GSDMD: variants seen among roughly 807,000 people sequenced by gnomAD.
GSDMD encodes gasdermin-D.
A neutral mutation model predicts 46.7 loss-of-function variants in GSDMD; 46 were observed. That is an observed-to-expected ratio of 0.99 (90% CI 0.78 to 1.26). GSDMD has a LOEUF of 1.26. GSDMD is among the 50% of genes most tolerant of loss of function. GSDMD has a pLI of 0.00. For synonymous variants in GSDMD, 307 were observed against 283.1 expected (o/e 1.08, Z -0.85); for missense variants, 649 against 638.8 (o/e 1.02, Z -0.17).
chr8:143,562,521 G>A lies in GSDMD; in HGVS notation c.1212G>A (p.Leu404=), dbSNP rs1330057635. The A allele has an allele frequency of 6.2e-7, 1 of 1,606,614 alleles. No individual in the cohort carries two copies. Among genetic ancestry groups the A allele is most frequent in the South Asian group, 1.1e-5 (1 of 90,710 alleles). Residue 404 remains leucine, a splice_region_variant and synonymous_variant, in exon 10 of 11, where the codon CTG becomes CTA. Coordinates refer to ENST00000262580, the MANE Select transcript of GSDMD (RefSeq NM_024736.7). The stretch of plus-strand genomic sequence containing the variant: ...AGACCCTGTTGGGGCCGCTCGAGCT[G>A]GTGAGAGGGTTGGGTTCGGGCTGCA... The part of the protein sequence containing the change: ...ESQTLLGPLE[L]VGSLLEQSAP...
At position 143,562,007 on chromosome 8, in the gene GSDMD, G is replaced by A. The variant is rs187977133; in HGVS notation, c.872G>A (p.Arg291Gln). ...TTCACTGAAGACTTCCAGGGCCTACGGGCAGAGGTGGAGACCATCTCCAAG... is the reference window on the plus strand; with the variant it reads ...TTCACTGAAGACTTCCAGGGCCTACAGGCAGAGGTGGAGACCATCTCCAAG... ...GAFTEDFQGL[R>Q]AEVETISKEL... The change falls in exon 8 of 11, where the codon CGG becomes CAG. Residue 291 changes from arginine (R) to glutamine (Q), a missense_variant. Coordinates refer to ENST00000262580, the MANE Select transcript of GSDMD (RefSeq NM_024736.7). 2.5e-6 allele frequency: 4 copies of A among 1,605,148 alleles called. No individual in the cohort carries two copies. The highest frequency in any genetic ancestry group is 1.7e-5 in the Admixed American group (1 of 59,676).
chr8:143,554,432 ACATGCACAAAAC>A (rs928455855), upstream of GSDMD, among the ~76,000 whole-genome samples: 14 of 148,670 alleles, frequency 9.4e-5, no homozygotes, highest in African/African-American at 3.5e-4. Flanking sequence ...ACGCGCACAA[ACATGCACAAAAC>A]ACGGACGTGC....
upstream of GSDMD, among the ~76,000 whole-genome samples, chr8:143,554,497 T>TA (rs1276736252): frequency 7.4e-6 from 1 of 135,690 alleles, no homozygotes; most frequent in Non-Finnish European, 1.6e-5. Context: ...TGCATACACA[T>TA]ACGCACAATA....
At chr8:143,555,509 C>A (rs894903631), upstream of GSDMD, among the ~76,000 whole-genome samples, 1 of 152,184 alleles carries the variant, frequency 6.6e-6, no homozygotes, top group Admixed American at 6.5e-5. Flanking sequence ...GCTGCTAGGA[C>A]AGGGCAGGGA....
At chr8:143,559,284 T>TCCCCC in intron 1 of GSDMD, 48 bp from the exon 2 acceptor site, 1 of 222,478 alleles carries the variant, frequency 4.5e-6, no homozygotes, top group Non-Finnish European at 8.7e-6. Context: ...TCCCACTCCC[T>TCCCCC]CCCGCCCGCC....
intron 1 of GSDMD, 132 bp from the exon 2 acceptor site, chr8:143,559,200 A>G (rs2305492): frequency 0.31 from 196,816 of 637,864 alleles, 33,014 homozygotes; most frequent in East Asian, 0.42. Context: ...GGAGCATCCC[A>G]GGATGAGCTG....
rs1281125196 is a variant in GSDMD at position 143,558,664 on chromosome 8, C to G, written c.-5+213C>G. ...TTTGGACCTGGGCTTGGGCTTGACT[C>G]CCAGGTCCGCCATCCAGGTTCCCGG... On this transcript the variant is annotated intron_variant, in intron 1 of 10. Coordinates refer to ENST00000262580, the MANE Select transcript of GSDMD (RefSeq NM_024736.7). The G allele has an allele frequency of 1.0e-5, 6 of 581,492 alleles. No homozygotes were observed. In the Admixed American group the frequency reaches 2.0e-4, roughly 19 times the overall value. The allele number at this position is 581,492 out of a possible 1,614,324, so 36.0% of individuals were successfully genotyped here.
chr8:143,557,961 C>A (rs1168617056), upstream of GSDMD: 2 of 433,628 alleles, frequency 4.6e-6, no homozygotes, highest in Non-Finnish European at 9.1e-6. Context: ...ATGGCATGAT[C>A]TCGGCTCACT....
At position 143,562,473 on chromosome 8, in the gene GSDMD, G is replaced by C; in HGVS notation, c.1164G>C (p.Leu388=). ...LTMLSETQHK[L]LAEALESQTL... Reference sequence around the variant, plus strand: ...TGCTGAGTGAAACGCAGCACAAGCTGCTGGCGGAGGCGCTGGAGTCGCAGA... The same window carrying C: ...TGCTGAGTGAAACGCAGCACAAGCTCCTGGCGGAGGCGCTGGAGTCGCAGA... The change falls in exon 10 of 11, where the codon CTG becomes CTC. Residue 388 remains leucine (L), a synonymous_variant. Transcript: ENST00000262580. The C allele has an allele frequency of 6.2e-7, 1 of 1,609,262 alleles. No individual in the cohort carries two copies. The highest frequency in any genetic ancestry group is 8.5e-7 in the Non-Finnish European group (1 of 1,179,664).
upstream of GSDMD, chr8:143,558,214 G>A: frequency 1.8e-6 from 2 of 1,124,242 alleles, no homozygotes; most frequent in Non-Finnish European, 2.4e-6. Flanking sequence ...GGGGCGCCAA[G>A]CCAAGGTTCC....
At chr8:143,561,636 C>T in intron 6 of GSDMD, 106 bp from the exon 7 acceptor site, 1 of 1,028,240 alleles carries the variant, frequency 9.7e-7, no homozygotes, top group South Asian at 1.5e-5. Context: ...CCAGTGTTGG[C>T]AGTGGTGAGC....
In GSDMD at chr8:143,561,087, T is replaced by C; in HGVS notation, c.665T>C (p.Val222Ala). The C allele has an allele frequency of 1.9e-6, 3 of 1,612,898 alleles. No homozygotes were observed. The highest frequency in any genetic ancestry group is 2.5e-6 in the Non-Finnish European group (3 of 1,179,750). The change falls in exon 5 of 11, where the codon GTT (valine) becomes GCT (alanine). Residue 222 changes from valine to alanine, a missense_variant. Physicochemically the swap from Val to Ala is moderately conservative, Grantham distance 64. Coordinates refer to ENST00000262580, the MANE Select transcript of GSDMD (RefSeq NM_024736.7). Reference protein sequence around the residue: ...STLAFRVAQLVIDSDLDVLLF... With the variant: ...STLAFRVAQLAIDSDLDVLLF... The stretch of plus-strand genomic sequence containing the variant: ...CTCGCATTCCGGGTGGCCCAGCTGG[T>C]TATTGACTCTGACTTGGGTGAGCTG...
upstream of GSDMD, chr8:143,556,062 T>C (rs1356239133): frequency 6.6e-6 from 1 of 152,230 alleles, no homozygotes; most frequent in East Asian, 1.9e-4. Flanking sequence ...AAATACAAAA[T>C]TAGCTGGGCG....
chr8:143,560,083 A>T (rs753405240), intron 3 of GSDMD, 114 bp downstream of exon 3: 1 of 1,058,858 alleles, frequency 9.4e-7, no homozygotes, highest in South Asian at 1.4e-5. Flanking sequence ...TATCTCGGCC[A>T]GGGTGGTCTT....
At chr8:143,555,156 C>G (rs762695247), upstream of GSDMD, 6 of 152,292 alleles carry the variant, frequency 3.9e-5, no homozygotes, top group Non-Finnish European at 7.3e-5. Flanking sequence ...GTCTTGTTTG[C>G]TGCTAGAACC....
In GSDMD at chr8:143,560,740, G is replaced by A. The variant is rs1162897080; in HGVS notation, c.548G>A (p.Arg183Gln). 3.8e-6 allele frequency: 6 copies of A among 1,559,998 alleles called. No individual in the cohort carries two copies. Among genetic ancestry groups the A allele is most frequent in the East Asian group, 2.4e-5 (1 of 42,056 alleles). ...ACCCACAAGCGGGAGGGCTCGGGCC[G>A]GTTTTCCCTGCCCGGAGCCACGTGC... ...TRTHKREGSGRFSLPGATCLQ... is the reference protein window; with the variant it reads ...TRTHKREGSGQFSLPGATCLQ... Residue 183 changes from arginine (R) to glutamine (Q), a missense_variant, in exon 4 of 11, where the codon CGG (arginine) becomes CAG (glutamine). Transcript: ENST00000262580.
chr8:143,559,642 C>A, intron 2 of GSDMD, 90 bp downstream of exon 2: 1 of 1,442,120 alleles, frequency 6.9e-7, no homozygotes, highest in Non-Finnish European at 9.5e-7. Context: ...GGCTCTGCAG[C>A]CTCTAGCTCT....
chr8:143,559,672 C>A, intron 2 of GSDMD, 105 bp from the exon 3 acceptor site: 2 of 1,402,658 alleles, frequency 1.4e-6, no homozygotes, highest in South Asian at 1.3e-5. Flanking sequence ...TTCCAGAGGC[C>A]GGGGCCTTTC....
In GSDMD at chr8:143,560,695, A is replaced by G. The variant is rs1823434126; in HGVS notation, c.503A>G (p.Lys168Arg). The stretch of plus-strand genomic sequence containing the variant: ...GTGACTGAGGTGCTGCAGACACAGA[A>G]GGAGGTGGAAGTCACGCGCACCCAC... ...YVVTEVLQTQ[K>R]EVEVTRTHKR... Residue 168 changes from lysine (K) to arginine (R), a missense_variant, in exon 4 of 11, where the codon AAG becomes AGG. Physicochemically the swap from Lys to Arg is conservative, Grantham distance 26. Transcript: ENST00000262580. 6.3e-7 allele frequency: 1 copy of G among 1,584,406 alleles called. No individual in the cohort carries two copies. The highest frequency in any genetic ancestry group is 8.6e-7 in the Non-Finnish European group (1 of 1,165,554).
Sources: allele counts gnomAD v4.1 joint callset (sites outside exome capture counted in the v4.1 genomes callset), GRCh38; gene constraint gnomAD v4.1.1; transcripts MANE v1.5; gene names NCBI Gene and HGNC (gene_info 2026-07-23, HGNC 2026-07-21).